Variants in RFX7 observed in about 807,000 individuals in gnomAD.
RFX7 encodes the protein regulatory factor X7.
In RFX7, 26 loss-of-function variants were observed where a neutral mutation model predicts 111.8. That is an observed-to-expected ratio of 0.23 (90% CI 0.17 to 0.32). The LOEUF (loss-of-function observed/expected upper bound fraction) is 0.32, where lower values mean the gene tolerates loss of function less well. RFX7 is among the 10% of genes least tolerant of loss of function. The pLI is 1.00. For synonymous variants in RFX7, 624 were observed against 624.4 expected (o/e 1.00, Z 0.01); for missense variants, 1,573 against 1,772.9 (o/e 0.89, Z 2.02).
At chr15:56,153,257 A>C (rs528827838) in intron 3 of RFX7, among the ~76,000 whole-genome samples, 2 of 152,338 alleles carry the variant, frequency 1.3e-5, no homozygotes, top group South Asian at 4.1e-4. Context: ...GACACAACGA[A>C]AAAAGAAAAT....
chr15:56,196,206 T>C (rs1306902610), intron 2 of RFX7, among the ~76,000 whole-genome samples: 36 of 152,112 alleles, frequency 2.4e-4, no homozygotes, highest in Admixed American at 2.4e-3. Flanking sequence ...GCTAGCCAGT[T>C]TGAACAAACT....
chr15:56,220,864 A>C (rs2043419746), intron 2 of RFX7, among the ~76,000 whole-genome samples: 1 of 152,214 alleles, frequency 6.6e-6, no homozygotes, highest in Non-Finnish European at 1.5e-5. Context: ...ATATGATATA[A>C]GGAAATGGGT....
intron 2 of RFX7, among the ~76,000 whole-genome samples, chr15:56,205,672 T>C (rs754400577): frequency 6.6e-6 from 1 of 152,250 alleles, no homozygotes; most frequent in Non-Finnish European, 1.5e-5. Context: ...CAATTCATTT[T>C]ATGAAGCTAG....
intron 5 of RFX7, among the ~76,000 whole-genome samples, chr15:56,116,080 C>T (rs1444579819): frequency 2.0e-5 from 3 of 152,178 alleles, no homozygotes; most frequent in Non-Finnish European, 2.9e-5. Context: ...AACCATCTCT[C>T]ATCTTTGAAT....
At position 56,150,034 on chromosome 15, in the gene RFX7, C is replaced by T. The variant is rs1202369273; in HGVS notation, c.196-5551G>A. On this transcript the variant is annotated intron_variant, in intron 3 of 9. Coordinates refer to ENST00000559447, the MANE Select transcript of RFX7 (RefSeq NM_022841.7). Reference sequence around the variant, plus strand: ...ACAGTCGACCTTGGTCGGGGGGTTGCGGGGTGGGGCGGGGGGGTCGGCCAT... The same window carrying T: ...ACAGTCGACCTTGGTCGGGGGGTTGTGGGGTGGGGCGGGGGGGTCGGCCAT... Among the ~76,000 whole-genome samples the T allele has an allele frequency of 6.3e-4, 9 of 14,392 alleles. 1 individual carries two copies. Among genetic ancestry groups the T allele is most frequent in the East Asian group, 3.5e-3 (2 of 566 alleles). The allele number at this position is 14,392 out of a possible 152,430, so 9.4% of individuals were successfully genotyped here. A position where few individuals can be genotyped will look rare whatever the true frequency, so the allele number is the denominator to read the frequency against.
chr15:56,141,434 A>G (rs2042391611), intron 5 of RFX7, among the ~76,000 whole-genome samples: 1 of 151,814 alleles, frequency 6.6e-6, no homozygotes, highest in African/African-American at 2.4e-5. Context: ...GCCTCATTTT[A>G]TAGATGAACC....
At chr15:56,213,110 A>G (rs1321057391) in intron 2 of RFX7, among the ~76,000 whole-genome samples, 1 of 152,220 alleles carries the variant, frequency 6.6e-6, no homozygotes, top group Admixed American at 6.5e-5. Context: ...AAGTTTTGCT[A>G]TCCTTTAGGA....
chr15:56,111,659 A>AC (rs1399094212), intron 5 of RFX7, among the ~76,000 whole-genome samples: 2 of 84,740 alleles, frequency 2.4e-5, no homozygotes, highest in African/African-American at 3.9e-5. Context: ...AAATAAATAA[A>AC]CCAAAAAAAA....
chr15:56,230,331 A>T (rs2043537021), intron 2 of RFX7, among the ~76,000 whole-genome samples: 1 of 152,222 alleles, frequency 6.6e-6, no homozygotes, highest in Non-Finnish European at 1.5e-5. Flanking sequence ...ACATTATTAA[A>T]TCTAGGTACA....
rs538999767 is a variant in RFX7 at position 56,177,313 on chromosome 15, T to C, written c.195+1957A>G. On this transcript the variant is annotated intron_variant, in intron 3 of 9. Transcript: ENST00000559447. Reference sequence around the variant, plus strand: ...CTATCTAAGGTTACCCTACCCACCATCACTTGCCTCCCTTTCCCTTTTAAA... The same window carrying C: ...CTATCTAAGGTTACCCTACCCACCACCACTTGCCTCCCTTTCCCTTTTAAA... 5.9e-5 allele frequency among the ~76,000 whole-genome samples: 9 copies of C among 152,284 alleles called. No individual in the cohort carries two copies. The South Asian group carries it at 1.5e-3, about 25-fold the overall frequency.
In RFX7 at chr15:56,094,799, G is replaced by A. The variant is rs778638042; in HGVS notation, c.2929C>T (p.Arg977Trp). Residue 977 changes from arginine to tryptophan, a missense_variant, in exon 10 of 10, where the codon CGG becomes TGG. Physicochemically the swap from Arg to Trp is moderately radical, Grantham distance 101. Coordinates refer to ENST00000559447, the MANE Select transcript of RFX7 (RefSeq NM_022841.7). Reference sequence around the variant, plus strand: ...GCTAGCCTGGAGCAAGGGCTCTCCCGTGACAGACTCTGAGATCCAGCAATC... The same window carrying A: ...GCTAGCCTGGAGCAAGGGCTCTCCCATGACAGACTCTGAGATCCAGCAATC... ...EMIAGSQSLS[R>W]ESPCSRLAQT... 8 of 1,597,602 alleles carry A rather than the reference G, an allele frequency of 5.0e-6. No homozygotes were observed. In the East Asian group the frequency reaches 6.8e-5, roughly 13 times the overall value.
rs567111335 is a variant in RFX7 at position 56,134,709 on chromosome 15, A to G, written c.401+8069T>C. On this transcript the variant is annotated intron_variant, in intron 5 of 9. Coordinates refer to ENST00000559447, the MANE Select transcript of RFX7 (RefSeq NM_022841.7). ...ATGTATACATGTGCCATGCTGGTGC[A>G]CTGCACCCACTAACTCGTCATCTAG... Among the ~76,000 whole-genome samples the G allele has an allele frequency of 5.4e-5, 8 of 149,498 alleles. No individual in the cohort carries two copies. In the East Asian group the frequency reaches 5.9e-4, roughly 11 times the overall value.
At chr15:56,133,521 G>A (rs1382220189) in intron 5 of RFX7, among the ~76,000 whole-genome samples, 3 of 152,038 alleles carry the variant, frequency 2.0e-5, no homozygotes, top group Non-Finnish European at 4.4e-5. Context: ...TGAGAACACA[G>A]AATGATCAGT....
At chr15:56,113,965 A>G (rs550519664) in intron 5 of RFX7, among the ~76,000 whole-genome samples, 1 of 152,282 alleles carries the variant, frequency 6.6e-6, no homozygotes, top group East Asian at 1.9e-4. Flanking sequence ...AATGAAGTAC[A>G]AGTAATATGG....
intron 5 of RFX7, among the ~76,000 whole-genome samples, chr15:56,109,054 C>T (rs1162889520): frequency 1.3e-5 from 2 of 151,340 alleles, no homozygotes; most frequent in Non-Finnish European, 3.0e-5. Context: ...ACTCCCTCTG[C>T]CTCTCCCTCT....
chr15:56,189,288 G>A lies in RFX7; in HGVS notation c.162-9985C>T, dbSNP rs549753980. 2.0e-5 allele frequency among the ~76,000 whole-genome samples: 3 copies of A among 152,178 alleles called. No individual in the cohort carries two copies. In the East Asian group the frequency reaches 5.8e-4, roughly 29 times the overall value. On this transcript the variant is annotated intron_variant, in intron 2 of 9. Transcript: ENST00000559447. ...TGTAGCCCTTAGCTACTTGGAGGCT[G>A]AGAATTGCTTGAGCCCAGGAGTTCA...
chr15:56,194,809 G>A (rs553070521), intron 2 of RFX7, among the ~76,000 whole-genome samples: 2 of 152,110 alleles, frequency 1.3e-5, no homozygotes, highest in Non-Finnish European at 2.9e-5. Flanking sequence ...CTTGCACATT[G>A]CTTGTGGGAA....
Position 56,095,204 on chromosome 15 carries a change from A to G in RFX7, c.2524T>C (p.Ser842Pro), listed in dbSNP as rs1422588913. The G allele has an allele frequency of 1.2e-6, 2 of 1,613,936 alleles. No homozygotes were observed. The highest frequency in any genetic ancestry group is 1.7e-5 in the Admixed American group (1 of 60,026). The change falls in exon 10 of 10, where the codon TCT becomes CCT. Residue 842 changes from serine (S) to proline (P), a missense_variant. Transcript: ENST00000559447. ...TGTGCTTGTATTTGATTTAAAGAAGATTCCTGTATCTGGCTATGTAGCTGC... is the reference window on the plus strand; with the variant it reads ...TGTGCTTGTATTTGATTTAAAGAAGGTTCCTGTATCTGGCTATGTAGCTGC... ...SQQLHSQIQESSLNQIQAHSS... is the reference protein window; with the variant it reads ...SQQLHSQIQEPSLNQIQAHSS...
intron 5 of RFX7, among the ~76,000 whole-genome samples, chr15:56,119,302 T>C (rs1387025978): frequency 6.6e-6 from 1 of 152,200 alleles, no homozygotes; most frequent in East Asian, 1.9e-4. Flanking sequence ...TCTCTTATAG[T>C]AGTTTCATAG....
Sources: gnomAD v4.1 joint callset for allele counts (sites outside exome capture counted in the v4.1 genomes callset) on GRCh38, gnomAD v4.1.1 for gene constraint, MANE v1.5 for transcripts, NCBI Gene and HGNC (gene_info 2026-07-23, HGNC 2026-07-21) for gene names.